Variants in COL3A1 observed in about 807,000 individuals in gnomAD.
COL3A1 encodes collagen type III alpha 1 chain.
Under a neutral mutation model 200.9 loss-of-function variants are expected in COL3A1, and 46 were observed. The ratio of observed to expected loss-of-function variants is 0.23; its 90% CI spans 0.18 to 0.29. The LOEUF is 0.29. COL3A1 is among the 10% of genes least tolerant of loss of function. COL3A1 has a pLI of 1.00. For missense variants in COL3A1, 1,367 were observed against 1,917.6 expected, an observed-to-expected ratio of 0.71 and a Z score of 5.36; for synonymous variants, 650 against 628.0, an observed-to-expected ratio of 1.03 and a Z score of -0.52.
At chr2:189,003,093 A>G in intron 36 of COL3A1, 31 bp downstream of exon 36, 1 of 1,432,376 alleles carries the variant, frequency 7.0e-7, no homozygotes, top group Non-Finnish European at 9.6e-7. Context: ...CTGTCTATCT[A>G]TCTATCATCT....
At chr2:188,997,895 A>G (rs982034249) in intron 27 of COL3A1, 142 bp downstream of exon 27, 12 of 758,790 alleles carry the variant, frequency 1.6e-5, no homozygotes, top group Non-Finnish European at 2.5e-5. Flanking sequence ...GTTAATAGGT[A>G]GGCATATCTT....
intron 50 of COL3A1, among the ~76,000 whole-genome samples, chr2:189,011,335 C>A (rs1205710033): frequency 6.6e-6 from 1 of 152,158 alleles, no homozygotes; most frequent in Non-Finnish European, 1.5e-5. Flanking sequence ...TTTTAATAAA[C>A]CATTTATAAA....
intron 1 of COL3A1, among the ~76,000 whole-genome samples, chr2:188,975,281 A>C (rs1418639437): frequency 6.6e-6 from 1 of 152,210 alleles, no homozygotes; most frequent in Non-Finnish European, 1.5e-5. Flanking sequence ...AAAATGTTTC[A>C]ACAGGAGGTT....
In COL3A1 at chr2:188,990,342, T is replaced by C; in HGVS notation, c.780T>C (p.Pro260=). The change falls in exon 10 of 51, where the codon CCT becomes CCC. Residue 260 remains proline, a synonymous_variant. Transcript: ENST00000304636. ...GTCCAGCTGGGATACCTGGATTCCC[T>C]GGTATGAAAGGACACAGAGTAAGTA... ...IKGPAGIPGF[P]GMKGHRGFDG... 6.2e-7 allele frequency: 1 copy of C among 1,613,196 alleles called. No homozygotes were observed. The highest frequency in any genetic ancestry group is 8.5e-7 in the Non-Finnish European group (1 of 1,179,380).
rs72912645 is a variant in COL3A1, at chr2:188,991,899, C to T, written c.951+177C>T. Among the ~76,000 whole-genome samples the T allele has an allele frequency of 0.023, 3,475 of 152,194 alleles. 53 individuals are homozygous for T. The highest frequency in any genetic ancestry group is 0.038 in the African/African-American group (1,587 of 41,518). On this transcript the variant is annotated intron_variant, in intron 13 of 50. Transcript: ENST00000304636. ...TAAAAGGAAATGAATAATTGTTTTA[C>T]AATTATTATCTCTATTGAGAATTTT...
intron 48 of COL3A1, 64 bp from the exon 49 acceptor site, chr2:189,010,110 TAAAC>T: frequency 1.3e-6 from 2 of 1,503,380 alleles, no homozygotes; most frequent in Admixed American, 1.7e-5. Context: ...CCTTTACAGG[TAAAC>T]AAACAAAATC....
Position 188,999,799 on chromosome 2 carries a change from TG to T in COL3A1, c.2230-42del, listed in dbSNP as rs545591609. On this transcript the variant is annotated intron_variant, in intron 31 of 50. Coordinates refer to ENST00000304636, the MANE Select transcript of COL3A1 (RefSeq NM_000090.4). ...ACTCCTCTTCTTGGCTGATTTTCAC[TG>T]AAGATACTTTGAATCTGATGACATT... 5.6e-5 allele frequency: 88 copies of T among 1,572,682 alleles called. No homozygotes were observed. In the East Asian group the frequency reaches 1.8e-3, roughly 32 times the overall value.
At chr2:188,998,548 A>G (rs1261041073) in intron 28 of COL3A1, 126 bp from the exon 29 acceptor site, 1 of 1,069,540 alleles carries the variant, frequency 9.3e-7, no homozygotes, top group Admixed American at 2.0e-5. Flanking sequence ...AAAATTATAC[A>G]GTATGCCAAC....
Position 188,999,828 on chromosome 2 carries a change from C to T in COL3A1, c.2230-14C>T. The T allele has an allele frequency of 6.3e-7, 1 of 1,591,592 alleles. No homozygotes were observed. The highest frequency in any genetic ancestry group is 1.1e-5 in the South Asian group (1 of 86,982). ...GATACTTTGAATCTGATGACATTGG[C>T]TTTTATTTGACAGGGTGAACCAGGC... On this transcript the variant is annotated splice_polypyrimidine_tract_variant and intron_variant, in intron 31 of 50. Coordinates refer to ENST00000304636, the MANE Select transcript of COL3A1 (RefSeq NM_000090.4).
intron 24 of COL3A1, among the ~76,000 whole-genome samples, chr2:188,996,843 G>A (rs1190678791): frequency 6.6e-6 from 1 of 151,992 alleles, no homozygotes; most frequent in Non-Finnish European, 1.5e-5. Flanking sequence ...ACAAAAATTA[G>A]CCAGGCATGG....
intron 47 of COL3A1, chr2:189,008,547 T>C (rs1688647671): frequency 2.5e-6 from 1 of 392,320 alleles, no homozygotes. Flanking sequence ...TACTTTCTAT[T>C]CCATGCCTTT....
intron 32 of COL3A1, 80 bp from the exon 33 acceptor site, chr2:189,001,317 G>A (rs111801763): frequency 1.6e-5 from 22 of 1,343,138 alleles, no homozygotes; most frequent in African/African-American, 1.4e-5. Context: ...AGGTATCTAT[G>A]TCTATATACT....
At position 188,974,389 on chromosome 2, in the gene COL3A1, G is replaced by A. The variant is rs41265577; in HGVS notation, c.-101G>A. ...AATCTCAGTGGCTGAGTTTTATGAC[G>A]GGCCCGGTGCTGAAGGGCAGGGAAC... On this transcript the variant is annotated 5_prime_UTR_variant, in exon 1 of 51. Coordinates refer to ENST00000304636, the MANE Select transcript of COL3A1 (RefSeq NM_000090.4). The A allele has an allele frequency of 1.2e-4, 101 of 835,122 alleles. No individual in the cohort carries two copies. In the Admixed American group the frequency reaches 1.8e-3, roughly 15 times the overall value. The allele number at this position is 835,122 out of a possible 1,614,324, so 51.7% of individuals were successfully genotyped here. A position where few individuals can be genotyped will look rare whatever the true frequency, so the allele number is the denominator to read the frequency against.
At chr2:189,011,603 A>G (rs765345691) in intron 50 of COL3A1, 25 bp from the exon 51 acceptor site, 1 of 1,613,802 alleles carries the variant, frequency 6.2e-7, no homozygotes. Flanking sequence ...TGTCATGATC[A>G]TGTACATTTT....
intron 35 of COL3A1, 140 bp downstream of exon 35, chr2:189,002,491 T>C (rs1468207715): frequency 1.3e-6 from 1 of 760,538 alleles, no homozygotes; most frequent in Non-Finnish European, 2.3e-6. Flanking sequence ...ACCCCTATTT[T>C]GTTTTACTTT....
Position 188,988,650 on chromosome 2 carries a change from A to G in COL3A1, c.636+7A>G. On this transcript the variant is annotated splice_region_variant and intron_variant, in intron 7 of 50. Coordinates refer to ENST00000304636, the MANE Select transcript of COL3A1 (RefSeq NM_000090.4). ...TGGGCAAGCTGGTCCTTCAGTAAGT[A>G]ACAATTAAATTTATATTTAGTAAGT... is the stretch of plus-strand genomic sequence containing the variant. 6.3e-7 allele frequency: 1 copy of G among 1,596,752 alleles called. No individual in the cohort carries two copies. The highest frequency in any genetic ancestry group is 8.6e-7 in the Non-Finnish European group (1 of 1,165,336).
Position 188,999,910 on chromosome 2 carries a change from T to C in COL3A1, c.2283+15T>C. 6.3e-7 allele frequency: 1 copy of C among 1,581,254 alleles called. No individual in the cohort carries two copies. Among genetic ancestry groups the C allele is most frequent in the Non-Finnish European group, 8.6e-7 (1 of 1,163,950 alleles). On this transcript the variant is annotated intron_variant, in intron 32 of 50. Coordinates refer to ENST00000304636, the MANE Select transcript of COL3A1 (RefSeq NM_000090.4). ...ATGGCCCAAGGGTGAGTATTCCCAG[T>C]GAGGAGAAGCAGGCCTTATCTATAT... is the stretch of plus-strand genomic sequence containing the variant.
At chr2:189,005,268 C>A in intron 40 of COL3A1, 82 bp from the exon 41 acceptor site, 6 of 1,269,760 alleles carry the variant, frequency 4.7e-6, no homozygotes, top group Non-Finnish European at 5.7e-6. Context: ...AGTTTTTTAC[C>A]TGAAAATAAA....
At position 188,989,473 on chromosome 2, in the gene COL3A1, G is replaced by T. The variant is rs11886142; in HGVS notation, c.690+24G>T. Reference sequence around the variant, plus strand: ...ATGTAAGTTTTTAAAACTTAAATAAGAATACAGCAAAATTTAACTTGGTGT... The same window carrying T: ...ATGTAAGTTTTTAAAACTTAAATAATAATACAGCAAAATTTAACTTGGTGT... On this transcript the variant is annotated intron_variant, in intron 8 of 50. Coordinates refer to ENST00000304636, the MANE Select transcript of COL3A1 (RefSeq NM_000090.4). The T allele has an allele frequency of 5.4e-3, 8,515 of 1,576,602 alleles. 351 individuals are homozygous for T. In the African/African-American group the frequency reaches 0.093, roughly 17 times the overall value.
Sources: gnomAD v4.1 joint callset for allele counts (sites outside exome capture counted in the v4.1 genomes callset) on GRCh38, gnomAD v4.1.1 for gene constraint, MANE v1.5 for transcripts, NCBI Gene and HGNC (gene_info 2026-07-23, HGNC 2026-07-21) for gene names.